The following SLCO6A1 variants were observed in gnomAD, a reference collection of about 807,000 sequenced individuals.
SLCO6A1 encodes solute carrier organic anion transporter family member 6A1, also known as cancer/testis antigen 48.
In SLCO6A1, 65 loss-of-function variants were observed where a neutral mutation model predicts 72.7. That is an observed-to-expected ratio of 0.89 (90% CI 0.73 to 1.10). The LOEUF is 1.10. SLCO6A1 is among the 50% of genes least tolerant of loss of function. SLCO6A1 has a pLI of 0.00. For synonymous variants in SLCO6A1, 314 were observed against 298.2 expected, an observed-to-expected ratio of 1.05 and a Z score of -0.55; for missense variants, 874 against 872.6, an observed-to-expected ratio of 1.00 and a Z score of -0.02.
chr5:102,428,337 G>A (rs1274812686), intron 7 of SLCO6A1, among the ~76,000 whole-genome samples: 1 of 152,016 alleles, frequency 6.6e-6, no homozygotes, highest in Non-Finnish European at 1.5e-5. Context: ...AAAAATTGCA[G>A]CTGAGGATGA....
rs184618504 is a variant in SLCO6A1, at chr5:102,477,149, C to T, written c.802+527G>A. 2.8e-3 allele frequency among the ~76,000 whole-genome samples: 431 copies of T among 152,110 alleles called. 2 individuals are homozygous for T. Among genetic ancestry groups the T allele is most frequent in the Middle Eastern group, 0.014 (4 of 294 alleles). ...GTATTTTTTGTTTGTTTGTTTGAGA[C>T]GGAGTCTTGCTCTGTCACCCAGGCA... is the stretch of plus-strand genomic sequence containing the variant. On this transcript the variant is annotated intron_variant, in intron 3 of 13. Transcript: ENST00000506729.
At position 102,476,240 on chromosome 5, in the gene SLCO6A1, G is replaced by A. The variant is rs373569599; in HGVS notation, c.803-447C>T. ...AAATTTTAAACACAAAAATAAAAAT[G>A]ACCTTCAAAAAACAAAGACATAGAG... is the stretch of plus-strand genomic sequence containing the variant. On this transcript the variant is annotated intron_variant, in intron 3 of 13. Transcript: ENST00000506729. Among the ~76,000 whole-genome samples, 39 of 152,050 alleles carry A rather than the reference G, an allele frequency of 2.6e-4. No individual in the cohort carries two copies. In the South Asian group the frequency reaches 6.6e-3, roughly 26 times the overall value.
chr5:102,421,960 T>C (rs909175948), intron 7 of SLCO6A1, among the ~76,000 whole-genome samples: 4 of 152,198 alleles, frequency 2.6e-5, no homozygotes, highest in African/African-American at 9.6e-5. Flanking sequence ...CAGTCTCTGC[T>C]GGTGATACCC....
intron 5 of SLCO6A1, among the ~76,000 whole-genome samples, chr5:102,459,230 C>A (rs1172117223): frequency 1.3e-5 from 2 of 151,982 alleles, no homozygotes; most frequent in Non-Finnish European, 2.9e-5. Context: ...CACAACATAG[C>A]AAGACTCCAT....
intron 1 of SLCO6A1, among the ~76,000 whole-genome samples, chr5:102,492,096 A>G (rs1445153463): frequency 3.3e-5 from 5 of 151,708 alleles, no homozygotes; most frequent in African/African-American, 1.2e-4. Context: ...ACTCACTATC[A>G]CAAAACAGCA....
chr5:102,466,368 A>G (rs1751311926), intron 4 of SLCO6A1, among the ~76,000 whole-genome samples: 2 of 151,982 alleles, frequency 1.3e-5, no homozygotes, highest in African/African-American at 4.8e-5. Flanking sequence ...GTTCCTTTTT[A>G]TGGCTGCATA....
intron 12 of SLCO6A1, among the ~76,000 whole-genome samples, chr5:102,387,820 A>C (rs1580334211): frequency 1.3e-5 from 2 of 152,290 alleles, no homozygotes; most frequent in African/African-American, 4.8e-5. Flanking sequence ...TTAAGACTTC[A>C]GAAATTAGGC....
chr5:102,498,139 T>G (rs569419639), intron 1 of SLCO6A1, among the ~76,000 whole-genome samples: 1 of 152,266 alleles, frequency 6.6e-6, no homozygotes, highest in East Asian at 1.9e-4. Flanking sequence ...GCCAGCCAAA[T>G]TATCTTTAAA....
chr5:102,429,855 G>A (rs1749118542), intron 7 of SLCO6A1, among the ~76,000 whole-genome samples: 1 of 152,134 alleles, frequency 6.6e-6, no homozygotes, highest in Admixed American at 6.6e-5. Context: ...TGCATTGGTA[G>A]TTTAATAGGA....
chr5:102,392,753 A>G (rs1321465926), intron 10 of SLCO6A1, among the ~76,000 whole-genome samples: 1 of 151,906 alleles, frequency 6.6e-6, no homozygotes, highest in African/African-American at 2.4e-5. Flanking sequence ...GAATTTCATG[A>G]AATAAACAAC....
intron 7 of SLCO6A1, among the ~76,000 whole-genome samples, chr5:102,427,604 T>G (rs559203149): frequency 4.6e-5 from 7 of 152,016 alleles, no homozygotes; most frequent in African/African-American, 1.7e-4. Context: ...CCAAGAGAAC[T>G]TCAAAGAGAC....
At chr5:102,494,075 T>G (rs192543993) in intron 1 of SLCO6A1, among the ~76,000 whole-genome samples, 19 of 152,268 alleles carry the variant, frequency 1.2e-4, no homozygotes, top group Admixed American at 3.9e-4. Flanking sequence ...AATATTTGCA[T>G]AAGTATAGAT....
chr5:102,418,184 A>G (rs1420372225), intron 8 of SLCO6A1, among the ~76,000 whole-genome samples: 1 of 151,942 alleles, frequency 6.6e-6, no homozygotes, highest in South Asian at 2.1e-4. Flanking sequence ...GGACATTTAT[A>G]CATAAAGTAT....
chr5:102,388,557 T>G, intron 12 of SLCO6A1, 131 bp downstream of exon 12: 1 of 645,734 alleles, frequency 1.5e-6, no homozygotes, highest in Non-Finnish European at 2.4e-6. Flanking sequence ...ATTTTGCAGG[T>G]TAAGCCTCCT....
At chr5:102,458,296 C>T in intron 6 of SLCO6A1, 86 bp downstream of exon 6, 1 of 1,013,250 alleles carries the variant, frequency 9.9e-7, no homozygotes, top group Non-Finnish European at 1.5e-6. Flanking sequence ...AGGTTGAACC[C>T]TTTATGGGTA....
chr5:102,444,226 A>G (rs1226483193), intron 6 of SLCO6A1, among the ~76,000 whole-genome samples: 1 of 152,186 alleles, frequency 6.6e-6, no homozygotes, highest in African/African-American at 2.4e-5. Flanking sequence ...AGGCAGAGGA[A>G]TGTTGCAAGG....
At chr5:102,487,371 C>CA (rs1309935917) in intron 1 of SLCO6A1, among the ~76,000 whole-genome samples, 2 of 151,612 alleles carry the variant, frequency 1.3e-5, no homozygotes, top group East Asian at 1.9e-4. Flanking sequence ...GTCATGGTGC[C>CA]AAAAAAGGTA....
intron 10 of SLCO6A1, among the ~76,000 whole-genome samples, chr5:102,392,590 A>G (rs1746826716): frequency 6.6e-6 from 1 of 152,286 alleles, no homozygotes; most frequent in South Asian, 2.1e-4. Flanking sequence ...GAAAAGATAA[A>G]TAATTTCCAG....
At chr5:102,489,243 T>G (rs562226673) in intron 1 of SLCO6A1, among the ~76,000 whole-genome samples, 137 of 152,300 alleles carry the variant, frequency 9.0e-4, no homozygotes, top group African/African-American at 3.2e-3. Flanking sequence ...TGCAAACATC[T>G]CTGGAGAAGG....
Sources: allele counts gnomAD v4.1 joint callset (sites outside exome capture counted in the v4.1 genomes callset), GRCh38; gene constraint gnomAD v4.1.1; transcripts MANE v1.5; gene names NCBI Gene and HGNC (gene_info 2026-07-23, HGNC 2026-07-21).